Variants in TYRO3 observed in about 807,000 individuals in gnomAD.
TYRO3 encodes TYRO3 protein tyrosine kinase, also known as tyrosine-protein kinase receptor TYRO3.
A neutral mutation model predicts 95.2 loss-of-function variants in TYRO3; 38 were observed. The observed-to-expected ratio is 0.40, with a 90% CI of 0.31 to 0.52. The LOEUF (loss-of-function observed/expected upper bound fraction) is 0.52, where lower values mean the gene tolerates loss of function less well. Among genes scored for constraint, TYRO3 ranks in the 20% least tolerant of loss-of-function variants. The probability of loss-of-function intolerance (pLI) is 0.56; values close to 1 mark genes in which losing one functional copy is unlikely to be tolerated. For missense variants in TYRO3, 812 were observed against 1,116.4 expected (o/e 0.73, Z 3.89); for synonymous variants, 367 against 432.9 (o/e 0.85, Z 1.89).
chr15:41,568,183 A>G (rs773880369), intron 7 of TYRO3, 34 bp from the exon 8 acceptor site: 2 of 1,610,814 alleles, frequency 1.2e-6, no homozygotes, highest in Non-Finnish European at 1.7e-6. Context: ...TGGGAAGGGC[A>G]GGGGTCTTAG....
chr15:41,570,543 G>A lies in TYRO3; in HGVS notation c.1484-61G>A. The A allele has an allele frequency of 1.9e-6, 3 of 1,568,716 alleles. No homozygotes were observed. In the Admixed American group the frequency reaches 5.0e-5, roughly 26 times the overall value. On this transcript the variant is annotated intron_variant, in intron 11 of 18. Coordinates refer to ENST00000263798, the MANE Select transcript of TYRO3 (RefSeq NM_006293.4). ...TCTGAGGGCAGAGTCTGGGGTATAA[G>A]AGGCTGGGTTTTGGCTCAGGAATCA...
intron 18 of TYRO3, among the ~76,000 whole-genome samples, chr15:41,575,010 C>A (rs1445782944): frequency 6.6e-6 from 1 of 152,248 alleles, no homozygotes; most frequent in Non-Finnish European, 1.5e-5. Flanking sequence ...TGAGCCACCA[C>A]GCCCAGCCCA....
rs761616237 is a variant in TYRO3 at position 41,568,219 on chromosome 15, C to T, written c.964C>T (p.Pro322Ser). ...CAATCTTCTCTCTTTGGCTGCAGCC[C>T]CAGCCAGCGCTCCCCAAAACCTCCA... The part of the protein sequence containing the change: ...WVPFQTKGLA[P>S]ASAPQNLHAI... Residue 322 changes from proline (P) to serine (S), a missense_variant and splice_region_variant, in exon 8 of 19, where the codon CCA becomes TCA. Physicochemically the swap from Pro to Ser is moderately conservative, Grantham distance 74. Coordinates refer to ENST00000263798, the MANE Select transcript of TYRO3 (RefSeq NM_006293.4). 1.2e-6 allele frequency: 2 copies of T among 1,611,980 alleles called. No individual in the cohort carries two copies. The highest frequency in any genetic ancestry group is 2.2e-5 in the South Asian group (2 of 90,982).
intron 18 of TYRO3, among the ~76,000 whole-genome samples, chr15:41,574,885 A>AATTTTTGT (rs1291154417): frequency 6.6e-6 from 1 of 151,864 alleles, no homozygotes; most frequent in Non-Finnish European, 1.5e-5. Flanking sequence ...ACACTCGGCT[A>AATTTTTGT]ATTTTTGTAT....
chr15:41,561,216 C>A lies in TYRO3; in HGVS notation c.214C>A (p.Pro72Thr). The A allele has an allele frequency of 1.2e-6, 2 of 1,614,232 alleles. No individual in the cohort carries two copies. The highest frequency in any genetic ancestry group is 1.7e-6 in the Non-Finnish European group (2 of 1,180,040). Residue 72 changes from proline to threonine, a missense_variant, in exon 2 of 19, where the codon CCT becomes ACT. Physicochemically the swap from Pro to Thr is conservative, Grantham distance 38. Transcript: ENST00000263798. Reference sequence around the variant, plus strand: ...CTGCAGTGTGGAGGGGATGGAGGAGCCTGACATCCAGTGGGTGAAGGATGG... The same window carrying A: ...CTGCAGTGTGGAGGGGATGGAGGAGACTGACATCCAGTGGGTGAAGGATGG... ...LNCSVEGMEE[P>T]DIQWVKDGAV...
In TYRO3 at chr15:41,576,820, C is replaced by T. The variant is rs146932714; in HGVS notation, c.2283-1066C>T. Among the ~76,000 whole-genome samples the T allele has an allele frequency of 5.3e-3, 446 of 84,666 alleles. 4 individuals are homozygous for T. Among genetic ancestry groups the T allele is most frequent in the African/African-American group, 0.017 (432 of 25,368 alleles). 55.5% of individuals were successfully genotyped at this position (84,666 alleles called of 152,430 possible). A position where few individuals can be genotyped will look rare whatever the true frequency, so the allele number is the denominator to read the frequency against. Reference sequence around the variant, plus strand: ...GGGATTACAGGTACTTACCACCATACCTTGCTTATTAATTTTTTTTTTTAA... The same window carrying T: ...GGGATTACAGGTACTTACCACCATATCTTGCTTATTAATTTTTTTTTTTAA... On this transcript the variant is annotated intron_variant, in intron 18 of 18. Coordinates refer to ENST00000263798, the MANE Select transcript of TYRO3 (RefSeq NM_006293.4).
In TYRO3 at chr15:41,578,522, T is replaced by A; in HGVS notation, c.*246T>A. On this transcript the variant is annotated 3_prime_UTR_variant, in exon 19 of 19. Coordinates refer to ENST00000263798, the MANE Select transcript of TYRO3 (RefSeq NM_006293.4). ...GATGGAAGTGGGCCAGTCCTGGTTGTCTGAACCCAGGCAGCTGGCAGGAGT... is the reference window on the plus strand; with the variant it reads ...GATGGAAGTGGGCCAGTCCTGGTTGACTGAACCCAGGCAGCTGGCAGGAGT... 1.7e-6 allele frequency: 1 copy of A among 575,830 alleles called. No individual in the cohort carries two copies. Among genetic ancestry groups the A allele is most frequent in the South Asian group, 2.2e-5 (1 of 46,372 alleles). The allele number at this position is 575,830 out of a possible 1,614,324, so 35.7% of individuals were successfully genotyped here. A position where few individuals can be genotyped will look rare whatever the true frequency, so the allele number is the denominator to read the frequency against.
rs987305034 is a variant in TYRO3, at chr15:41,561,605, C to A, written c.375C>A (p.Thr125=). The part of the protein sequence containing the change: ...YWCQVEDGGE[T]EISQPVWLTV... ...GCCAGGTGGAGGATGGGGGTGAAAC[C>A]GAGATCTCCCAGCCAGTGTGGCTCA... The change falls in exon 3 of 19, where the codon ACC becomes ACA. Residue 125 remains threonine, a synonymous_variant. Transcript: ENST00000263798. 1.3e-6 allele frequency: 2 copies of A among 1,592,336 alleles called. No homozygotes were observed. Among genetic ancestry groups the A allele is most frequent in the South Asian group, 1.1e-5 (1 of 86,976 alleles).
chr15:41,572,422 C>T, intron 14 of TYRO3, 21 bp from the exon 15 acceptor site: 1 of 1,613,382 alleles, frequency 6.2e-7, no homozygotes, highest in Non-Finnish European at 8.5e-7. Context: ...ATGCTCAGCT[C>T]CTGACTCTCC....
chr15:41,569,849 G>C (rs1332654926), intron 9 of TYRO3, among the ~76,000 whole-genome samples, 178 bp from the exon 10 acceptor site: 1 of 152,216 alleles, frequency 6.6e-6, no homozygotes, highest in Non-Finnish European at 1.5e-5. Context: ...ACAACAGCCA[G>C]GGCCTGTCTC....
At chr15:41,575,706 C>T (rs541152191) in intron 18 of TYRO3, among the ~76,000 whole-genome samples, 14 of 152,280 alleles carry the variant, frequency 9.2e-5, no homozygotes, top group Non-Finnish European at 1.8e-4. Context: ...TTGGTCTCAG[C>T]GTCTTTCCAT....
In TYRO3 at chr15:41,559,301, T is replaced by TGCC; in HGVS notation, c.47_49dup (p.Pro16dup). 1.6e-6 allele frequency: 1 copy of TGCC among 628,334 alleles called. No homozygotes were observed. 38.9% of individuals were successfully genotyped at this position (628,334 alleles called of 1,614,324 possible). On this transcript the variant is annotated inframe_insertion, in exon 1 of 19. Coordinates refer to ENST00000263798, the MANE Select transcript of TYRO3 (RefSeq NM_006293.4). The stretch of plus-strand genomic sequence containing the variant: ...ATGGGGCGGCCGGGGCTCCCGCCGC[T>TGCC]GCCGCTGCCGCCGCCACCGCGGCTC...
At chr15:41,570,575 C>T (rs773473738) in intron 11 of TYRO3, 29 bp from the exon 12 acceptor site, 24 of 1,103,728 alleles carry the variant, frequency 2.2e-5, no homozygotes, top group Middle Eastern at 4.9e-4. Context: ...ATCAGAGATC[C>T]CTCTTTCCCA....
intron 5 of TYRO3, among the ~76,000 whole-genome samples, chr15:41,564,548 T>G (rs558785782): frequency 5.9e-5 from 9 of 151,972 alleles, no homozygotes; most frequent in African/African-American, 1.4e-4. Context: ...CAGGAGATGG[T>G]CAAGGCCCAT....
intron 11 of TYRO3, 121 bp from the exon 12 acceptor site, chr15:41,570,482 AC>A: frequency 7.2e-7 from 1 of 1,380,866 alleles, no homozygotes. Context: ...GGAGTTCACC[AC>A]CCCAGCCGTG....
At chr15:41,576,645 CTTTTTTTTT>C (rs971951671) in intron 18 of TYRO3, among the ~76,000 whole-genome samples, 1 of 101,092 alleles carries the variant, frequency 9.9e-6, no homozygotes, top group East Asian at 2.7e-4. Context: ...AGTAGGTTTC[CTTTTTTTTT>C]TTTTTTTTTT....
chr15:41,572,316 T>TG, intron 14 of TYRO3, 127 bp from the exon 15 acceptor site: 1 of 1,374,664 alleles, frequency 7.3e-7, no homozygotes, highest in Non-Finnish European at 9.8e-7. Context: ...GTGGAGCCTG[T>TG]GAAAAAATAA....
chr15:41,561,098 G>T (rs1277812648), intron 1 of TYRO3, 29 bp from the exon 2 acceptor site: 1 of 1,613,594 alleles, frequency 6.2e-7, no homozygotes, highest in Admixed American at 1.7e-5. Context: ...CCCTCTCAAG[G>T]CTGACACATG....
intron 8 of TYRO3, 38 bp downstream of exon 8, chr15:41,568,400 GT>G (rs1566900820): frequency 1.4e-5 from 22 of 1,584,578 alleles, no homozygotes; most frequent in Non-Finnish European, 1.9e-5. Context: ...CTCTCCTGGA[GT>G]ATAAGCCTTC....
Sources: gnomAD v4.1 joint callset for allele counts (sites outside exome capture counted in the v4.1 genomes callset) on GRCh38, gnomAD v4.1.1 for gene constraint, MANE v1.5 for transcripts, NCBI Gene and HGNC (gene_info 2026-07-23, HGNC 2026-07-21) for gene names.